DDX52: variants seen among roughly 807,000 people sequenced by gnomAD.
The protein encoded by DDX52 is DExD-box helicase 52.
In DDX52, 59 loss-of-function variants were observed where a neutral mutation model predicts 76.1. That is an observed-to-expected ratio of 0.78 (90% confidence interval 0.63 to 0.96). The LOEUF (loss-of-function observed/expected upper bound fraction) is 0.96. DDX52 is among the 40% of genes least tolerant of loss of function. The pLI, the probability that DDX52 is intolerant of heterozygous loss-of-function variation, is 0.00. For missense variants in DDX52, 707 were observed against 703.9 expected, an observed-to-expected ratio of 1.00 and a Z score of -0.05; for synonymous variants, 231 against 244.1, an observed-to-expected ratio of 0.95 and a Z score of 0.50.
At chr17:37,631,971 G>T in intron 4 of DDX52, 142 bp downstream of exon 4, 2 of 1,131,126 alleles carry the variant, frequency 1.8e-6, no homozygotes, top group Non-Finnish European at 2.5e-6. Context: ...GGAGGCACAG[G>T]CATTTGATGA....
intron 6 of DDX52, 99 bp from the exon 7 acceptor site, chr17:37,626,959 G>A (rs2030413272): frequency 1.1e-6 from 1 of 906,952 alleles, no homozygotes; most frequent in Non-Finnish European, 1.7e-6. Context: ...CCTGAAGTGG[G>A]AAGTAGTCAT....
intron 2 of DDX52, among the ~76,000 whole-genome samples, chr17:37,639,066 C>T (rs1305585342): frequency 1.3e-5 from 2 of 151,746 alleles, no homozygotes; most frequent in East Asian, 1.9e-4. Context: ...GCCACTGCAC[C>T]CAGCCTAGAA....
At chr17:37,621,544 T>C (rs145935682) in intron 9 of DDX52, 24 bp from the exon 10 acceptor site, 4 of 1,591,424 alleles carry the variant, frequency 2.5e-6, no homozygotes, top group East Asian at 4.5e-5. Flanking sequence ...AAAATTGGCA[T>C]ACATAACTCA....
chr17:37,619,036 C>T (rs1219436173), intron 13 of DDX52, among the ~76,000 whole-genome samples: 1 of 152,164 alleles, frequency 6.6e-6, no homozygotes, highest in Non-Finnish European at 1.5e-5. Context: ...TAATTCTCAG[C>T]ATATTTTACT....
chr17:37,626,062 C>G lies in DDX52; in HGVS notation c.969G>C (p.Leu323=). 6.2e-7 allele frequency: 1 copy of G among 1,614,128 alleles called. No homozygotes were observed. Among genetic ancestry groups the G allele is most frequent in the Non-Finnish European group, 8.5e-7 (1 of 1,180,038 alleles). Residue 323 remains leucine (L), a synonymous_variant, in exon 8 of 15, where the codon CTG becomes CTC. Coordinates refer to ENST00000617633, the MANE Select transcript of DDX52 (RefSeq NM_007010.5). ...EWLVVDESDK[L]FEDGKTGFRD... ...TGAACCCAGTTTTGCCATCTTCAAACAGTTTATCTGATTCGTCTACTACAA... is the reference window on the plus strand; with the variant it reads ...TGAACCCAGTTTTGCCATCTTCAAAGAGTTTATCTGATTCGTCTACTACAA...
rs1245697943 is a variant in DDX52, at chr17:37,642,272, C to T, written c.124G>A (p.Val42Met). The T allele has an allele frequency of 6.2e-7, 1 of 1,613,972 alleles. No individual in the cohort carries two copies. Among genetic ancestry groups the T allele is most frequent in the South Asian group, 1.1e-5 (1 of 91,048 alleles). ...KRKYDFDSSE[V>M]LQGLDFFGNK... ...CCAAAAAAGTCCAGTCCCTGAAGCA[C>T]CTCCGAAGAATCAAAGTCATATTTC... The change falls in exon 2 of 15, where the codon GTG (valine) becomes ATG (methionine). Residue 42 changes from valine (V) to methionine (M), a missense_variant. By Grantham distance (21) the Val-to-Met change is conservative (BLOSUM62 1). Transcript: ENST00000617633.
At chr17:37,641,842 G>T (rs2031215890) in intron 2 of DDX52, among the ~76,000 whole-genome samples, 1 of 152,006 alleles carries the variant, frequency 6.6e-6, no homozygotes, top group Non-Finnish European at 1.5e-5. Flanking sequence ...TCAGAGAAAG[G>T]GTACATACCC....
intron 3 of DDX52, 81 bp downstream of exon 3, chr17:37,633,207 C>CA: frequency 7.2e-7 from 1 of 1,391,876 alleles, no homozygotes; most frequent in Admixed American, 2.5e-5. Flanking sequence ...TTCACATTAA[C>CA]AACAGAATAA....
chr17:37,626,427 G>GT (rs781088088), intron 7 of DDX52, among the ~76,000 whole-genome samples: 25 of 152,162 alleles, frequency 1.6e-4, no homozygotes, highest in Non-Finnish European at 2.5e-4. Flanking sequence ...TGCCATGACC[G>GT]TAAGTTTCCT....
At chr17:37,628,018 A>G (rs2030478205) in intron 6 of DDX52, among the ~76,000 whole-genome samples, 1 of 152,002 alleles carries the variant, frequency 6.6e-6, no homozygotes, top group Admixed American at 6.6e-5. Flanking sequence ...GCCTCAAGCA[A>G]TCCTCCCACC....
At chr17:37,629,953 C>T in intron 5 of DDX52, 77 bp downstream of exon 5, 1 of 1,532,940 alleles carries the variant, frequency 6.5e-7, no homozygotes, top group East Asian at 2.3e-5. Context: ...TTTTTAAGAT[C>T]TTTTTATTAC....
chr17:37,632,494 A>G (rs1015499843), intron 3 of DDX52, among the ~76,000 whole-genome samples, 196 bp from the exon 4 acceptor site: 3 of 152,226 alleles, frequency 2.0e-5, no homozygotes, highest in African/African-American at 7.2e-5. Flanking sequence ...TAAAATGTCT[A>G]TGCTTTCTTC....
At position 37,619,717 on chromosome 17, in the gene DDX52, A is replaced by G. The variant is rs774907997; in HGVS notation, c.1649+51T>C. 6.7e-6 allele frequency: 10 copies of G among 1,502,458 alleles called. No homozygotes were observed. In the East Asian group the frequency reaches 1.8e-4, roughly 27 times the overall value. 93.1% of individuals were successfully genotyped at this position (1,502,458 alleles called of 1,614,324 possible). On this transcript the variant is annotated intron_variant, in intron 13 of 14. Transcript: ENST00000617633. ...ACAGAGCAAGAAAAAAAAAAAAAAGAATGTATATACAAAGAGACAGACAAA... is the reference window on the plus strand; with the variant it reads ...ACAGAGCAAGAAAAAAAAAAAAAAGGATGTATATACAAAGAGACAGACAAA...
chr17:37,616,341 G>C (rs1158018718), intron 14 of DDX52, among the ~76,000 whole-genome samples: 1 of 152,016 alleles, frequency 6.6e-6, no homozygotes, highest in Non-Finnish European at 1.5e-5. Context: ...TGTTGCGACA[G>C]AAAATTAAAA....
intron 4 of DDX52, chr17:37,631,347 C>A (rs1375370133): frequency 1.3e-5 from 2 of 152,180 alleles, no homozygotes; most frequent in Non-Finnish European, 2.9e-5. Context: ...AAGCATTACG[C>A]AAAGTGAAAG....
chr17:37,640,801 C>A lies in DDX52; in HGVS notation c.286+1309G>T, dbSNP rs940149073. Among the ~76,000 whole-genome samples the A allele has an allele frequency of 3.3e-5, 5 of 150,912 alleles. No individual in the cohort carries two copies. In the South Asian group the frequency reaches 8.4e-4, roughly 25 times the overall value. On this transcript the variant is annotated intron_variant, in intron 2 of 14. Transcript: ENST00000617633. ...AGGAGTTCAAGACCAGCATGACCAA[C>A]ATGGAGAAACCCCGTCTCTACTAAA...
intron 1 of DDX52, 188 bp downstream of exon 1, chr17:37,643,146 C>T (rs1285041363): frequency 1.8e-6 from 1 of 540,940 alleles, no homozygotes; most frequent in South Asian, 2.4e-5. Flanking sequence ...AGTTAAAGAG[C>T]TTATTCAAAA....
In DDX52 at chr17:37,619,980, C is replaced by T. The variant is rs2029998940; in HGVS notation, c.1578-141G>A. 4.0e-6 allele frequency: 3 copies of T among 751,910 alleles called. No homozygotes were observed. In the Admixed American group the frequency reaches 8.4e-5, roughly 21 times the overall value. The allele number at this position is 751,910 out of a possible 1,614,324, so 46.6% of individuals were successfully genotyped here. A position where few individuals can be genotyped will look rare whatever the true frequency, so the allele number is the denominator to read the frequency against. On this transcript the variant is annotated intron_variant, in intron 12 of 14. Coordinates refer to ENST00000617633, the MANE Select transcript of DDX52 (RefSeq NM_007010.5). The stretch of plus-strand genomic sequence containing the variant: ...TGTTCTGATATATTATCAATTATTA[C>T]CTGATGTAAGCACATTGGATTACAG...
chr17:37,626,779 CATCTA>C lies in DDX52; in HGVS notation c.932+4_932+8del, dbSNP rs1316406549. The C allele has an allele frequency of 1.2e-6, 2 of 1,605,076 alleles. No homozygotes were observed. The highest frequency in any genetic ancestry group is 1.7e-6 in the Non-Finnish European group (2 of 1,175,672). On this transcript the variant is annotated splice_donor_5th_base_variant and intron_variant, in intron 7 of 14. Coordinates refer to ENST00000617633, the MANE Select transcript of DDX52 (RefSeq NM_007010.5). ...ATACACACGAAAGACATGAAAATAT[CATCTA>C]TACCTTGCTAGGTCGATTCCGGGGG...
Sources: allele counts gnomAD v4.1 joint callset (sites outside exome capture counted in the v4.1 genomes callset), GRCh38; gene constraint gnomAD v4.1.1; transcripts MANE v1.5; gene names NCBI Gene and HGNC (gene_info 2026-07-23, HGNC 2026-07-21).